GDA: variants seen among roughly 807,000 people sequenced by gnomAD.
GDA encodes the protein guanine deaminase.
In GDA, 18 loss-of-function variants were observed where a neutral mutation model predicts 59.6. The ratio of observed to expected loss-of-function variants is 0.30; its 90% CI spans 0.21 to 0.45. The LOEUF (loss-of-function observed/expected upper bound fraction) is 0.45, where lower values mean the gene tolerates loss of function less well. Ranked by LOEUF, GDA falls within the 20% of genes least tolerant of loss-of-function variation. The pLI is 1.00. For synonymous variants in GDA, 201 were observed against 201.1 expected, an observed-to-expected ratio of 1.00 and a Z score of 0.00; for missense variants, 427 against 552.3, an observed-to-expected ratio of 0.77 and a Z score of 2.27.
At chr9:72,200,276 G>A (rs943275990) in intron 2 of GDA, among the ~76,000 whole-genome samples, 8 of 152,048 alleles carry the variant, frequency 5.3e-5, no homozygotes, top group South Asian at 2.1e-4. Context: ...GATTACAGGC[G>A]TGAGCCACCG....
intron 1 of GDA, among the ~76,000 whole-genome samples, chr9:72,179,610 A>G (rs139528878): frequency 7.7e-4 from 118 of 152,318 alleles, no homozygotes; most frequent in African/African-American, 2.2e-3. Context: ...GATCAGTCTT[A>G]TGACCCTCCT....
At chr9:72,125,911 ATTTGTTTG>A (rs537407106) in intron 1 of GDA, among the ~76,000 whole-genome samples, 1 of 151,926 alleles carries the variant, frequency 6.6e-6, no homozygotes, top group Non-Finnish European at 1.5e-5. Context: ...GGTTCAGGAA[ATTTGTTTG>A]TTTGTTTGTT....
At chr9:72,211,053 A>G (rs1171154770) in intron 4 of GDA, among the ~76,000 whole-genome samples, 2 of 152,156 alleles carry the variant, frequency 1.3e-5, no homozygotes, top group African/African-American at 2.4e-5. Flanking sequence ...GATATATATG[A>G]GTCTGAATTT....
chr9:72,155,468 G>A (rs1453356400), intron 1 of GDA, among the ~76,000 whole-genome samples: 2 of 152,186 alleles, frequency 1.3e-5, no homozygotes, highest in Non-Finnish European at 2.9e-5. Flanking sequence ...TGGAAGTAAA[G>A]AAGAGCCTTC....
At chr9:72,221,871 C>T (rs1836925306) in intron 6 of GDA, among the ~76,000 whole-genome samples, 1 of 152,154 alleles carries the variant, frequency 6.6e-6, no homozygotes, top group Admixed American at 6.5e-5. Context: ...CATCCATGTC[C>T]CTGCAAATGG....
At chr9:72,145,582 G>A (rs1826597456), upstream of GDA, among the ~76,000 whole-genome samples, 1 of 152,176 alleles carries the variant, frequency 6.6e-6, no homozygotes. Context: ...ACATTCATGA[G>A]ATGAGCAAAA....
intron 1 of GDA, among the ~76,000 whole-genome samples, chr9:72,160,187 G>A (rs1178377646): frequency 6.6e-6 from 1 of 152,118 alleles, no homozygotes; most frequent in Non-Finnish European, 1.5e-5. Flanking sequence ...GCGGGCGCCT[G>A]TAGTCCTAGC....
At position 72,210,765 on chromosome 9, in the gene GDA, G is replaced by A. The variant is rs752635142; in HGVS notation, c.463G>A (p.Asp155Asn). 16 of 1,600,830 alleles carry A rather than the reference G, an allele frequency of 1.0e-5. No homozygotes were observed. Among genetic ancestry groups the A allele is most frequent in the Admixed American group, 1.7e-5 (1 of 59,946 alleles). Residue 155 changes from aspartate to asparagine, a missense_variant, in exon 4 of 14, where the codon GAC (aspartate) becomes AAC (asparagine). Coordinates refer to ENST00000358399, the MANE Select transcript of GDA (RefSeq NM_004293.5). ...CACTGACTCATCTCTGCTCCTTGCCGACATTACAGGTGAGCAAATGAAGCA... is the reference window on the plus strand; with the variant it reads ...CACTGACTCATCTCTGCTCCTTGCCAACATTACAGGTGAGCAAATGAAGCA... ...IHTDSSLLLA[D>N]ITDKFGQRAF...
chr9:72,246,991 C>A (rs1049209721), intron 12 of GDA, among the ~76,000 whole-genome samples: 1 of 151,988 alleles, frequency 6.6e-6, no homozygotes, highest in Admixed American at 6.6e-5. Context: ...AACTAAAAAC[C>A]ATGGCTTCAG....
rs550302560 is a variant in GDA at position 72,119,283 on chromosome 9, T to C, written c.-100+4450T>C. ...ACTTCAGGAGGCCGAGGGGGGCAGA[T>C]TCCATGAGCTCAGGAGTTTGAGACC... On this transcript the variant is annotated intron_variant, in intron 1 of 13. Transcript: ENST00000545168. Among the ~76,000 whole-genome samples the C allele has an allele frequency of 2.6e-5, 4 of 152,282 alleles. No homozygotes were observed. The South Asian group carries it at 8.3e-4, about 32-fold the overall frequency.
intron 1 of GDA, among the ~76,000 whole-genome samples, chr9:72,173,615 G>A (rs893712107): frequency 1.3e-5 from 2 of 151,922 alleles, no homozygotes; most frequent in Non-Finnish European, 2.9e-5. Flanking sequence ...ACAGACGTGA[G>A]CCACCAAGCC....
At chr9:72,171,714 G>C (rs1449946624) in intron 1 of GDA, among the ~76,000 whole-genome samples, 1 of 151,722 alleles carries the variant, frequency 6.6e-6, no homozygotes, top group African/African-American at 2.4e-5. Flanking sequence ...CTTAGGTCCT[G>C]CAAAGTGCTA....
At chr9:72,134,553 C>G (rs1044624428) in intron 1 of GDA, among the ~76,000 whole-genome samples, 10 of 152,008 alleles carry the variant, frequency 6.6e-5, no homozygotes, top group South Asian at 2.1e-4. Context: ...AGGCGCCCAC[C>G]ACCATGCCCA....
In GDA at chr9:72,204,561, A is replaced by G. The variant is rs192157789; in HGVS notation, c.384+1819A>G. Among the ~76,000 whole-genome samples, 3 of 152,340 alleles carry G rather than the reference A, an allele frequency of 2.0e-5. No individual in the cohort carries two copies. In the East Asian group the frequency reaches 5.8e-4, roughly 29 times the overall value. ...TTTACACTGCTTTTATGATTAAAAA[A>G]CACATTTGTTAAGGTAAAGCATATC... On this transcript the variant is annotated intron_variant, in intron 3 of 13. Coordinates refer to ENST00000358399, the MANE Select transcript of GDA (RefSeq NM_004293.5).
chr9:72,131,648 G>C (rs1191232970), intron 1 of GDA, among the ~76,000 whole-genome samples: 3 of 150,972 alleles, frequency 2.0e-5, no homozygotes, highest in Non-Finnish European at 3.0e-5. Flanking sequence ...CACGTGCACA[G>C]ACACACACAC....
chr9:72,193,535 T>G (rs1832804240), intron 1 of GDA, among the ~76,000 whole-genome samples: 1 of 152,256 alleles, frequency 6.6e-6, no homozygotes, highest in South Asian at 2.1e-4. Context: ...CAAGCACCCT[T>G]GTGGCCACAA....
chr9:72,156,752 A>G (rs1246658106), intron 1 of GDA, among the ~76,000 whole-genome samples: 1 of 152,212 alleles, frequency 6.6e-6, no homozygotes, highest in East Asian at 1.9e-4. Context: ...TTTATCAGAT[A>G]CTTATTCTTC....
chr9:72,122,379 T>C (rs562309673), intron 1 of GDA, among the ~76,000 whole-genome samples: 1 of 152,244 alleles, frequency 6.6e-6, no homozygotes, highest in South Asian at 2.1e-4. Flanking sequence ...ATGGGGAAAA[T>C]AATCATTATT....
At chr9:72,225,860 T>G in intron 8 of GDA, 76 bp downstream of exon 8, 1 of 659,338 alleles carries the variant, frequency 1.5e-6, no homozygotes. Context: ...AATAGTAATC[T>G]TCAGATTTCT....
Sources: gnomAD v4.1 joint callset for allele counts (sites outside exome capture counted in the v4.1 genomes callset) on GRCh38, gnomAD v4.1.1 for gene constraint, MANE v1.5 for transcripts, NCBI Gene and HGNC (gene_info 2026-07-23, HGNC 2026-07-21) for gene names.